The following RNF144A variants were observed in gnomAD, a reference collection of about 807,000 sequenced individuals.
RNF144A encodes the protein ring finger protein 144A, also known as E3 ubiquitin-protein ligase RNF144A.
RNF144A carries 11 observed loss-of-function variants against 38.7 expected under a neutral mutation model. The observed-to-expected ratio is 0.28, with a 90% CI of 0.18 to 0.47. The LOEUF (loss-of-function observed/expected upper bound fraction) is 0.47. Ranked by LOEUF, RNF144A falls within the 20% of genes least tolerant of loss-of-function variation. The probability of loss-of-function intolerance (pLI) is 0.99; values close to 1 mark genes in which losing one functional copy is unlikely to be tolerated. For synonymous variants in RNF144A, 149 were observed against 143.9 expected (o/e 1.04, Z -0.25); for missense variants, 316 against 377.2 (o/e 0.84, Z 1.34).
chr2:6,975,931 C>T (rs1422668795), intron 2 of RNF144A, among the ~76,000 whole-genome samples: 4 of 152,240 alleles, frequency 2.6e-5, no homozygotes, highest in Non-Finnish European at 1.5e-5. Flanking sequence ...GCTGTTTTCA[C>T]TTAACACATT....
chr2:6,918,749 A>T (rs112981727), intron 1 of RNF144A: 1 of 123,742 alleles, frequency 8.1e-6, no homozygotes, highest in Admixed American at 8.5e-5. Context: ...GGGCGACAGA[A>T]CGAGACTCCG....
intron 2 of RNF144A, among the ~76,000 whole-genome samples, chr2:6,969,479 C>T (rs916299979): frequency 4.6e-5 from 7 of 152,160 alleles, no homozygotes; most frequent in Non-Finnish European, 1.0e-4. Flanking sequence ...CCTGCCCACA[C>T]CCTGCTCATG....
rs558671336 is a variant in RNF144A, at chr2:6,957,393, G to A, written c.-12+16246G>A. On this transcript the variant is annotated intron_variant, in intron 2 of 8. Coordinates refer to ENST00000320892, the MANE Select transcript of RNF144A (RefSeq NM_014746.6). ...GTATTTTAAAACAATTCCCTTTTGT[G>A]TTATATTTGTGCAAAAGTGTGTGCA... Among the ~76,000 whole-genome samples the A allele has an allele frequency of 1.2e-3, 178 of 152,308 alleles. 5 individuals are homozygous for A. In the South Asian group the frequency reaches 0.035, roughly 30 times the overall value.
chr2:6,930,013 A>C (rs1425151460), intron 1 of RNF144A, among the ~76,000 whole-genome samples: 1 of 152,252 alleles, frequency 6.6e-6, no homozygotes, highest in Non-Finnish European at 1.5e-5. Context: ...GTAAGGAAAG[A>C]TGCATTATTT....
intron 1 of RNF144A, among the ~76,000 whole-genome samples, chr2:6,919,514 G>T (rs1194405808): frequency 1.3e-5 from 2 of 152,214 alleles, no homozygotes; most frequent in Admixed American, 6.5e-5. Context: ...CTCTGTGTCA[G>T]TGGGAGCCAT....
intron 1 of RNF144A, among the ~76,000 whole-genome samples, chr2:6,935,403 C>T (rs375705792): frequency 2.0e-4 from 31 of 152,324 alleles, no homozygotes; most frequent in African/African-American, 5.1e-4. Flanking sequence ...TGCAGCTCCC[C>T]GTTCCTCCTC....
At chr2:7,075,287 C>A in the RNF144A span, among the ~76,000 whole-genome samples, 7 of 151,786 alleles carry the variant, frequency 4.6e-5, no homozygotes, top group South Asian at 4.2e-4. Flanking sequence ...AACATCCCCC[C>A]CCCCACACAG....
chr2:7,025,539 G>T (rs1226390093), intron 7 of RNF144A, among the ~76,000 whole-genome samples: 1 of 152,096 alleles, frequency 6.6e-6, no homozygotes, highest in Non-Finnish European at 1.5e-5. Context: ...AGTCATGGTG[G>T]CATGCACCTG....
intron 1 of RNF144A, among the ~76,000 whole-genome samples, chr2:6,938,255 T>C (rs1665727073): frequency 7.1e-6 from 1 of 141,494 alleles, no homozygotes; most frequent in African/African-American, 2.6e-5. Context: ...CCTCCCTTTT[T>C]TTTTTTTTTT....
rs558470608 is a variant in RNF144A, at chr2:6,978,829, G to A, written c.-11-18087G>A. On this transcript the variant is annotated intron_variant, in intron 2 of 8. Transcript: ENST00000320892. The stretch of plus-strand genomic sequence containing the variant: ...CACCTGTGGGGATCATCACCACCAT[G>A]TCAGAACTGAGTAAGTTCTGTGGTT... The A allele has an allele frequency of 9.1e-4, 139 of 152,762 alleles. 1 individual carries two copies. Among genetic ancestry groups the A allele is most frequent in the South Asian group, 1.9e-3 (9 of 4,820 alleles). 9.5% of individuals were successfully genotyped at this position (152,762 alleles called of 1,614,324 possible). A position where few individuals can be genotyped will look rare whatever the true frequency, so the allele number is the denominator to read the frequency against.
At chr2:7,023,656 T>G (rs1010992481) in intron 6 of RNF144A, among the ~76,000 whole-genome samples, 5 of 152,358 alleles carry the variant, frequency 3.3e-5, no homozygotes, top group South Asian at 2.1e-4. Context: ...TTAGCAACAT[T>G]GAACTACTGC....
At chr2:7,002,987 A>C (rs1670207985) in intron 3 of RNF144A, among the ~76,000 whole-genome samples, 1 of 152,176 alleles carries the variant, frequency 6.6e-6, no homozygotes, top group Admixed American at 6.5e-5. Context: ...TTTTAACAAA[A>C]AAAGTTTAAA....
At position 7,013,773 on chromosome 2, in the gene RNF144A, C is replaced by T. The variant is rs185591967; in HGVS notation, c.136-681C>T. ...CTTTTATATTAACTCTACTTCATGT[C>T]CTTCACTTCTTCTTGTTTTGCTTAC... On this transcript the variant is annotated intron_variant, in intron 3 of 8. Coordinates refer to ENST00000320892, the MANE Select transcript of RNF144A (RefSeq NM_014746.6). Among the ~76,000 whole-genome samples the T allele has an allele frequency of 8.5e-4, 130 of 152,282 alleles. 1 individual carries two copies. Among genetic ancestry groups the T allele is most frequent in the Non-Finnish European group, 1.1e-3 (72 of 68,032 alleles).
At chr2:6,925,791 A>C (rs1257861107) in intron 1 of RNF144A, among the ~76,000 whole-genome samples, 1 of 152,172 alleles carries the variant, frequency 6.6e-6, no homozygotes, top group African/African-American at 2.4e-5. Context: ...ACACCCTAAT[A>C]AGGTCACATT....
intron 2 of RNF144A, among the ~76,000 whole-genome samples, chr2:6,966,007 G>A (rs1186131449): frequency 6.6e-6 from 1 of 152,186 alleles, no homozygotes. Context: ...TCAGCATTGG[G>A]GAAGTTGTTT....
chr2:6,935,181 A>C (rs1434476157), intron 1 of RNF144A, among the ~76,000 whole-genome samples: 1 of 152,070 alleles, frequency 6.6e-6, no homozygotes, highest in Non-Finnish European at 1.5e-5. Context: ...CAACTAATTC[A>C]CCATCTTCAT....
chr2:6,951,039 A>G (rs913619766), intron 2 of RNF144A, among the ~76,000 whole-genome samples: 3 of 152,144 alleles, frequency 2.0e-5, no homozygotes, highest in African/African-American at 7.2e-5. Flanking sequence ...AGCCTTGCCC[A>G]TTTATAATTA....
At chr2:6,919,926 A>G (rs1416020054) in intron 1 of RNF144A, among the ~76,000 whole-genome samples, 1 of 152,254 alleles carries the variant, frequency 6.6e-6, no homozygotes, top group Non-Finnish European at 1.5e-5. Context: ...TGTAAAATGC[A>G]TATATTTTAT....
rs1671461357 is a variant in RNF144A at position 7,020,636 on chromosome 2, C to G, written c.465C>G (p.Gly155=). ...TCKASWHPGQ[G]CPETMPITFL... ...AAGCCAGCTGGCACCCTGGCCAGGG[C>G]TGCCCGGAGACCATGCCGATCACCT... The change falls in exon 6 of 9, where the codon GGC becomes GGG. Residue 155 remains glycine (G), a synonymous_variant. Coordinates refer to ENST00000320892, the MANE Select transcript of RNF144A (RefSeq NM_014746.6). 1 of 1,607,886 alleles carries G rather than the reference C, an allele frequency of 6.2e-7. No homozygotes were observed. Among genetic ancestry groups the G allele is most frequent in the Non-Finnish European group, 8.5e-7 (1 of 1,179,990 alleles).
Sources: gnomAD v4.1 joint callset for allele counts (sites outside exome capture counted in the v4.1 genomes callset) on GRCh38, gnomAD v4.1.1 for gene constraint, MANE v1.5 for transcripts, NCBI Gene and HGNC (gene_info 2026-07-23, HGNC 2026-07-21) for gene names.